The following NOC3L variants were observed in gnomAD, a reference collection of about 807,000 sequenced individuals.
The protein encoded by NOC3L is NOC3 like DNA replication regulator.
In NOC3L, 85 loss-of-function variants were observed where a neutral mutation model predicts 102.5. The observed-to-expected ratio is 0.83, with a 90% CI of 0.70 to 0.99. The LOEUF is 0.99. Ranked by LOEUF, NOC3L falls within the 50% of genes least tolerant of loss-of-function variation. The pLI is 0.00. For missense variants in NOC3L, 878 were observed against 914.9 expected (o/e 0.96, Z 0.52); for synonymous variants, 303 against 309.4 (o/e 0.98, Z 0.22).
chr10:94,344,616 C>A, intron 12 of NOC3L, 101 bp from the exon 13 acceptor site: 1 of 774,712 alleles, frequency 1.3e-6, no homozygotes. Context: ...TTTCCCTACC[C>A]ATCCCTCCCC....
At position 94,354,963 on chromosome 10, in the gene NOC3L, A is replaced by G; in HGVS notation, c.696T>C (p.Asn232=). The change falls in exon 6 of 21, where the codon AAT becomes AAC. Residue 232 remains asparagine, a splice_region_variant and synonymous_variant. Coordinates refer to ENST00000371361, the MANE Select transcript of NOC3L (RefSeq NM_022451.11). The stretch of plus-strand genomic sequence containing the variant: ...GCCTAAAGAAATTAATACTACCTAC[A>G]TTATTTTCTGGATCTGATAATATGG... The part of the protein sequence containing the change: ...ASAILSDPEN[N]IKKLKELRSM... 1.2e-6 allele frequency: 2 copies of G among 1,612,624 alleles called. No homozygotes were observed. Among genetic ancestry groups the G allele is most frequent in the African/African-American group, 1.3e-5 (1 of 75,014 alleles).
At chr10:94,329,492 A>G (rs562512387), downstream of NOC3L, 2 of 152,310 alleles carry the variant, frequency 1.3e-5, no homozygotes, top group Non-Finnish European at 2.9e-5. Flanking sequence ...TGTTAAAAAT[A>G]CACCACACAG....
the NOC3L span, chr10:94,321,777 T>C: frequency 1.4e-6 from 1 of 695,516 alleles, no homozygotes; most frequent in Non-Finnish European, 2.5e-6. Flanking sequence ...TAACATAGTA[T>C]ATGAGATATT....
chr10:94,325,334 C>G, the NOC3L span: 3 of 434,732 alleles, frequency 6.9e-6, no homozygotes, highest in Non-Finnish European at 1.3e-5. Context: ...CGTGGTGGCG[C>G]ATGCCTGTAA....
At chr10:94,345,944 G>T (rs1394443042) in intron 11 of NOC3L, among the ~76,000 whole-genome samples, 1 of 152,084 alleles carries the variant, frequency 6.6e-6, no homozygotes, top group African/African-American at 2.4e-5. Context: ...TGCAAGGTAG[G>T]TACTATTATT....
intron 8 of NOC3L, among the ~76,000 whole-genome samples, chr10:94,351,062 C>T (rs2054410359): frequency 6.6e-6 from 1 of 151,916 alleles, no homozygotes; most frequent in African/African-American, 2.4e-5. Flanking sequence ...ATATGTGGCT[C>T]ATGTTATAGT....
chr10:94,349,589 G>A (rs1292433121), intron 9 of NOC3L, among the ~76,000 whole-genome samples: 1 of 152,064 alleles, frequency 6.6e-6, no homozygotes, highest in Non-Finnish European at 1.5e-5. Context: ...AATGTTCCCT[G>A]GGGGACAAAT....
the NOC3L span, among the ~76,000 whole-genome samples, chr10:94,317,743 T>C: frequency 1 from 151,706 of 151,748 alleles, 75,832 homozygotes; most frequent in Middle Eastern, 1. Flanking sequence ...CTTTTTTTTT[T>C]CCCTGAATTA....
the NOC3L span, among the ~76,000 whole-genome samples, chr10:94,317,593 C>A: frequency 6.6e-6 from 1 of 152,146 alleles, no homozygotes; most frequent in Admixed American, 6.5e-5. Flanking sequence ...AGAATAATAT[C>A]TTGGCCTGAG....
chr10:94,345,970 AAAAT>A (rs989195519), intron 11 of NOC3L, among the ~76,000 whole-genome samples: 14 of 152,170 alleles, frequency 9.2e-5, no homozygotes, highest in African/African-American at 2.2e-4. Flanking sequence ...CGTTTATCAA[AAAAT>A]AAATAAATAA....
At chr10:94,362,194 T>C (rs1256736654) in intron 1 of NOC3L, among the ~76,000 whole-genome samples, 1 of 152,200 alleles carries the variant, frequency 6.6e-6, no homozygotes, top group African/African-American at 2.4e-5. Flanking sequence ...CAAAGCAAAA[T>C]GCTGGCTGTC....
chr10:94,351,449 G>A (rs1406524628), intron 8 of NOC3L, among the ~76,000 whole-genome samples: 2 of 152,146 alleles, frequency 1.3e-5, no homozygotes, highest in Non-Finnish European at 2.9e-5. Context: ...AAGAGTTTAA[G>A]AGTTTATCAT....
At chr10:94,353,085 G>T in intron 6 of NOC3L, 28 bp from the exon 7 acceptor site, 2 of 1,553,770 alleles carry the variant, frequency 1.3e-6, no homozygotes, top group South Asian at 2.4e-5. Context: ...TATAAAGCTG[G>T]AGAAATCATG....
At chr10:94,322,737 A>T in the NOC3L span, among the ~76,000 whole-genome samples, 1 of 152,052 alleles carries the variant, frequency 6.6e-6, no homozygotes, top group African/African-American at 2.4e-5. Flanking sequence ...GTGAGCCGAG[A>T]TCATGCCATT....
intron 7 of NOC3L, 99 bp from the exon 8 acceptor site, chr10:94,352,502 T>G: frequency 1.3e-6 from 1 of 791,334 alleles, no homozygotes; most frequent in South Asian, 1.7e-5. Context: ...CCAGTACTAT[T>G]TAAAAAAACA....
chr10:94,316,715 G>C, the NOC3L span: 1 of 1,614,082 alleles, frequency 6.2e-7, no homozygotes. Context: ...GTTTCCAGAA[G>C]AGGGATACAT....
At chr10:94,319,653 T>G in the NOC3L span, among the ~76,000 whole-genome samples, 1 of 152,138 alleles carries the variant, frequency 6.6e-6, no homozygotes, top group Non-Finnish European at 1.5e-5. Flanking sequence ...ACTGCCCTAA[T>G]TTGTAAAATC....
At chr10:94,338,079 T>A (rs1371805510) in intron 18 of NOC3L, among the ~76,000 whole-genome samples, 3 of 152,202 alleles carry the variant, frequency 2.0e-5, no homozygotes, top group Admixed American at 2.0e-4. Context: ...AAGTTACCAG[T>A]GAAGTAGTTT....
intron 1 of NOC3L, 69 bp from the exon 2 acceptor site, chr10:94,361,941 AT>A: frequency 8.4e-7 from 1 of 1,183,982 alleles, no homozygotes; most frequent in Non-Finnish European, 1.2e-6. Context: ...AAGAGAACTG[AT>A]TACAAATTTC....
Sources: gnomAD v4.1 joint callset for allele counts (sites outside exome capture counted in the v4.1 genomes callset) on GRCh38, gnomAD v4.1.1 for gene constraint, MANE v1.5 for transcripts, NCBI Gene and HGNC (gene_info 2026-07-23, HGNC 2026-07-21) for gene names.